Variants in CNTN5 observed in about 807,000 individuals in gnomAD.
CNTN5 encodes the protein contactin 5, also known as contactin-5.
Under a neutral mutation model 129.1 loss-of-function variants are expected in CNTN5, and 77 were observed. The observed-to-expected ratio is 0.60, with a 90% confidence interval of 0.50 to 0.72. The LOEUF (loss-of-function observed/expected upper bound fraction) is 0.72. Ranked by LOEUF, CNTN5 falls within the 30% of genes least tolerant of loss-of-function variation. The pLI is 0.00. For synonymous variants in CNTN5, 509 were observed against 465.6 expected, an observed-to-expected ratio of 1.09 and a Z score of -1.20; for missense variants, 1,478 against 1,328.8, an observed-to-expected ratio of 1.11 and a Z score of -1.75.
intron 2 of CNTN5, among the ~76,000 whole-genome samples, chr11:99,481,162 G>C (rs1013616351): frequency 6.6e-6 from 1 of 151,824 alleles, no homozygotes; most frequent in Admixed American, 6.6e-5. Flanking sequence ...GCATTCAAAG[G>C]TTCTTGCCAC....
chr11:99,083,271 A>C (rs1010556320), intron 1 of CNTN5, among the ~76,000 whole-genome samples: 2 of 151,586 alleles, frequency 1.3e-5, no homozygotes, highest in Non-Finnish European at 2.9e-5. Context: ...TCCTTTTTTA[A>C]ATTCTTTCTC....
intron 3 of CNTN5, among the ~76,000 whole-genome samples, chr11:99,806,781 T>C (rs1382069666): frequency 6.9e-6 from 1 of 145,282 alleles, no homozygotes; most frequent in Non-Finnish European, 1.5e-5. Flanking sequence ...CATTCCAGCC[T>C]GGGCGACAGA....
In CNTN5 at chr11:99,071,381, A is replaced by C. The variant is rs538183118; in HGVS notation, c.-210+50111A>C. ...AATCTGTAGCATCATTAAATTATGC[A>C]TAAACTAAAAATGTCAAAAGAGTCC... On this transcript the variant is annotated intron_variant, in intron 1 of 24. Transcript: ENST00000524871. Among the ~76,000 whole-genome samples, 8 of 152,284 alleles carry C rather than the reference A, an allele frequency of 5.3e-5. No homozygotes were observed. In the East Asian group the frequency reaches 1.5e-3, roughly 29 times the overall value.
chr11:99,614,082 G>C (rs78882060), intron 3 of CNTN5, among the ~76,000 whole-genome samples: 1 of 152,132 alleles, frequency 6.6e-6, no homozygotes, highest in African/African-American at 2.4e-5. Context: ...TTCATTTTCT[G>C]TCAGTCAAAA....
chr11:100,215,401 A>T (rs930058928), intron 15 of CNTN5, among the ~76,000 whole-genome samples: 1 of 152,230 alleles, frequency 6.6e-6, no homozygotes, highest in African/African-American at 2.4e-5. Flanking sequence ...ATATGTGGAC[A>T]TTCTTAATCT....
At chr11:100,302,831 C>T (rs1378970525) in intron 20 of CNTN5, among the ~76,000 whole-genome samples, 6 of 151,392 alleles carry the variant, frequency 4.0e-5, no homozygotes, top group African/African-American at 7.3e-5. Context: ...CCCAATAAAG[C>T]GTATCAGAAT....
At position 99,142,983 on chromosome 11, in the gene CNTN5, C is replaced by T. The variant is rs182526425; in HGVS notation, c.-210+121713C>T. The stretch of plus-strand genomic sequence containing the variant: ...TTCCCAGCTTCTCTATCCTTCAATC[C>T]CTTCAGGGTCTGTGTCCCCACTCTG... On this transcript the variant is annotated intron_variant, in intron 1 of 24. Coordinates refer to ENST00000524871, the MANE Select transcript of CNTN5 (RefSeq NM_014361.4). Among the ~76,000 whole-genome samples the T allele has an allele frequency of 2.2e-3, 338 of 152,208 alleles. 1 individual carries two copies. The highest frequency in any genetic ancestry group is 7.5e-3 in the African/African-American group (312 of 41,528).
At chr11:99,773,366 C>G (rs934750058) in intron 3 of CNTN5, among the ~76,000 whole-genome samples, 1 of 152,066 alleles carries the variant, frequency 6.6e-6, no homozygotes, top group Non-Finnish European at 1.5e-5. Context: ...AGTTGCATTA[C>G]TTAAATGTAT....
chr11:99,749,858 G>A (rs1944173826), intron 3 of CNTN5, among the ~76,000 whole-genome samples: 1 of 152,170 alleles, frequency 6.6e-6, no homozygotes, highest in African/African-American at 2.4e-5. Context: ...GCTAAGTGTA[G>A]CCACATAACT....
At chr11:99,444,357 CA>C (rs1352830196) in intron 2 of CNTN5, among the ~76,000 whole-genome samples, 3 of 152,152 alleles carry the variant, frequency 2.0e-5, no homozygotes, top group Non-Finnish European at 2.9e-5. Context: ...ACAAAATACA[CA>C]GGCTTCTGTG....
At position 99,924,175 on chromosome 11, in the gene CNTN5, C is replaced by G. The variant is rs141880484; in HGVS notation, c.673+8026C>G. 7.2e-4 allele frequency among the ~76,000 whole-genome samples: 109 copies of G among 152,304 alleles called. 1 individual carries two copies. The Middle Eastern group carries it at 0.01, about 14-fold the overall frequency. ...CATTGCGGTTTTCATTTGCATCTCTCTGATAATTAGTGATGCTGAACATTT... is the reference window on the plus strand; with the variant it reads ...CATTGCGGTTTTCATTTGCATCTCTGTGATAATTAGTGATGCTGAACATTT... On this transcript the variant is annotated intron_variant, in intron 7 of 24. Coordinates refer to ENST00000524871, the MANE Select transcript of CNTN5 (RefSeq NM_014361.4).
At chr11:99,158,799 T>G (rs1265392709) in intron 1 of CNTN5, among the ~76,000 whole-genome samples, 1 of 152,084 alleles carries the variant, frequency 6.6e-6, no homozygotes, top group African/African-American at 2.4e-5. Flanking sequence ...CTATTAATAA[T>G]TATATCAAAG....
intron 3 of CNTN5, among the ~76,000 whole-genome samples, chr11:99,665,463 A>G (rs1305554762): frequency 6.8e-6 from 1 of 147,962 alleles, no homozygotes; most frequent in Non-Finnish European, 1.5e-5. Context: ...TTATTACGGG[A>G]GCATTGAAAC....
At chr11:99,218,103 T>A (rs868622049) in intron 1 of CNTN5, among the ~76,000 whole-genome samples, 6 of 152,148 alleles carry the variant, frequency 3.9e-5, no homozygotes, top group Admixed American at 3.3e-4. Context: ...TTAAGATCAA[T>A]GATCCTTCCT....
At chr11:99,955,940 C>T (rs1950791056) in intron 7 of CNTN5, among the ~76,000 whole-genome samples, 1 of 152,104 alleles carries the variant, frequency 6.6e-6, no homozygotes, top group Non-Finnish European at 1.5e-5. Flanking sequence ...TGAAATTTTT[C>T]TGTGGAAAAC....
chr11:99,389,384 A>G (rs1047771419), intron 2 of CNTN5, among the ~76,000 whole-genome samples: 1 of 152,124 alleles, frequency 6.6e-6, no homozygotes, highest in Non-Finnish European at 1.5e-5. Flanking sequence ...TATGCAATGG[A>G]AATAACTAAA....
intron 1 of CNTN5, among the ~76,000 whole-genome samples, chr11:99,066,875 G>T (rs1011450109): frequency 1.3e-5 from 2 of 152,044 alleles, no homozygotes; most frequent in African/African-American, 4.8e-5. Flanking sequence ...CTCTTTTGAT[G>T]GTGACTGCGA....
At chr11:99,922,785 T>C (rs1685050167) in intron 7 of CNTN5, among the ~76,000 whole-genome samples, 2 of 152,220 alleles carry the variant, frequency 1.3e-5, no homozygotes, top group African/African-American at 2.4e-5. Context: ...ATATTCCCAA[T>C]ACGTAGCACA....
chr11:99,967,094 A>G (rs17134768), intron 8 of CNTN5, among the ~76,000 whole-genome samples: 1 of 152,110 alleles, frequency 6.6e-6, no homozygotes, highest in East Asian at 1.9e-4. Context: ...TAGGTGACTA[A>G]ATAAAGAGAG....
Sources: gnomAD v4.1 joint callset for allele counts (sites outside exome capture counted in the v4.1 genomes callset) on GRCh38, gnomAD v4.1.1 for gene constraint, MANE v1.5 for transcripts, NCBI Gene and HGNC (gene_info 2026-07-23, HGNC 2026-07-21) for gene names.